The following PLEKHG4B variants were observed in gnomAD, a reference collection of about 807,000 sequenced individuals.
PLEKHG4B encodes pleckstrin homology domain-containing family G member 4B.
A neutral mutation model predicts 121.3 loss-of-function variants in PLEKHG4B; 111 were observed. The observed-to-expected ratio is 0.92, with a 90% confidence interval of 0.78 to 1.07. The LOEUF is 1.07. Among genes scored for constraint, PLEKHG4B ranks in the 50% least tolerant of loss-of-function variants. The pLI is 0.00. For synonymous variants in PLEKHG4B, 738 were observed against 725.0 expected (o/e 1.02, Z -0.29); for missense variants, 1,831 against 1,757.8 (o/e 1.04, Z -0.74).
At chr5:119,893 G>C (rs1247515485) in intron 2 of PLEKHG4B, among the ~76,000 whole-genome samples, 1 of 152,194 alleles carries the variant, frequency 6.6e-6, no homozygotes, top group Admixed American at 6.5e-5. Context: ...AGGGAATTTT[G>C]CTGAGTAAGT....
chr5:156,034 AGGG>A lies in PLEKHG4B; in HGVS notation c.2209-36_2209-34del. ...CTTGGGAGGACCTGCCCCTTGGAGG[AGGG>A]AGTTAAAGGCTTATTCCTCCCCATC... On this transcript the variant is annotated intron_variant, in intron 9 of 19. Coordinates refer to ENST00000637938, the MANE Select transcript of PLEKHG4B (RefSeq NM_052909.5). This position sits in a 1 kb window ranked among gnomAD's most constrained non-coding sequence, Gnocchi z 4.4. 1 of 1,501,684 alleles carries A rather than the reference AGGG, an allele frequency of 6.7e-7. No individual in the cohort carries two copies. The highest frequency in any genetic ancestry group is 8.9e-7 in the Non-Finnish European group (1 of 1,117,336). 93.0% of individuals were successfully genotyped at this position (1,501,684 alleles called of 1,614,324 possible).
At chr5:105,277 C>A (rs1733945251) in intron 1 of PLEKHG4B, among the ~76,000 whole-genome samples, 2 of 152,240 alleles carry the variant, frequency 1.3e-5, no homozygotes, top group Non-Finnish European at 2.9e-5. Flanking sequence ...GCTGGGGGCC[C>A]TGCTCAGAAG....
At chr5:175,892 C>T in intron 18 of PLEKHG4B, among the ~76,000 whole-genome samples, 1 of 50,866 alleles carries the variant, frequency 2.0e-5, no homozygotes, top group South Asian at 7.7e-4. Context: ...CACGGCTGCA[C>T]CCCGCCTGAG....
chr5:119,941 T>A (rs1450000655), intron 2 of PLEKHG4B, among the ~76,000 whole-genome samples: 2 of 152,108 alleles, frequency 1.3e-5, no homozygotes, highest in African/African-American at 2.4e-5. Flanking sequence ...AAAAGAAATC[T>A]CAGAATCTCA....
At chr5:92,750 C>T (rs1733509079) in intron 1 of PLEKHG4B, among the ~76,000 whole-genome samples, 2 of 152,034 alleles carry the variant, frequency 1.3e-5, no homozygotes, top group South Asian at 2.1e-4. Context: ...AGTCTGAAAT[C>T]TCATCGCCAA....
At position 186,565 on chromosome 5, in the gene PLEKHG4B, C is replaced by T. The variant is rs1178216917; in HGVS notation, c.*4242C>T. ...CCACAGGGGACGTGGGAGACAGCCC[C>T]GATGCGTCCCCATCCGCAGTGACGC... On this transcript the variant is annotated 3_prime_UTR_variant, in exon 20 of 20. Coordinates refer to ENST00000637938, the MANE Select transcript of PLEKHG4B (RefSeq NM_052909.5). The T allele has an allele frequency of 1.3e-5, 2 of 152,240 alleles. No individual in the cohort carries two copies. The highest frequency in any genetic ancestry group is 2.9e-5 in the Non-Finnish European group (2 of 68,062). The allele number at this position is 152,240 out of a possible 1,614,324, so 9.4% of individuals were successfully genotyped here.
intron 6 of PLEKHG4B, among the ~76,000 whole-genome samples, chr5:145,559 G>A (rs974831814): frequency 6.6e-6 from 1 of 152,144 alleles, no homozygotes. Context: ...ATGGGGTTTC[G>A]CCACATTGCC....
intron 13 of PLEKHG4B, among the ~76,000 whole-genome samples, chr5:165,061 A>AGCTCACACTAATGCTCTGACGGGGCGGG (rs1736258878): frequency 9.7e-5 from 7 of 71,802 alleles, no homozygotes; most frequent in African/African-American, 3.4e-4. Flanking sequence ...GACGGGGCGG[A>AGCTCACACTAATGCTCTGACGGGGCGGG]GCTCACACTA....
At chr5:103,445 G>A (rs563176020) in intron 1 of PLEKHG4B, among the ~76,000 whole-genome samples, 42 of 152,226 alleles carry the variant, frequency 2.8e-4, no homozygotes, top group Admixed American at 1.2e-3. Context: ...TGCACCGCAC[G>A]CAGCGGTTTC....
chr5:131,637 G>A (rs1451650005), intron 2 of PLEKHG4B, among the ~76,000 whole-genome samples: 1 of 152,166 alleles, frequency 6.6e-6, no homozygotes, highest in Non-Finnish European at 1.5e-5. Flanking sequence ...CCAGTAATGG[G>A]ATCACTGGGT....
At chr5:177,860 G>A (rs1034574134) in intron 18 of PLEKHG4B, among the ~76,000 whole-genome samples, 1 of 152,248 alleles carries the variant, frequency 6.6e-6, no homozygotes, top group Non-Finnish European at 1.5e-5. Flanking sequence ...GAAGTTGTAC[G>A]CATCCCCATC....
At chr5:134,765 C>CAAAA (rs147226236) in intron 2 of PLEKHG4B, among the ~76,000 whole-genome samples, 2 of 84,630 alleles carry the variant, frequency 2.4e-5, no homozygotes, top group Non-Finnish European at 5.4e-5. Flanking sequence ...GACTCTGTCT[C>CAAAA]AAAAAAAAAA....
chr5:132,441 G>C (rs758851700), intron 2 of PLEKHG4B, among the ~76,000 whole-genome samples: 12 of 152,062 alleles, frequency 7.9e-5, no homozygotes, highest in Non-Finnish European at 1.6e-4. Context: ...TTTGCTTTTG[G>C]GTTCTTGGTC....
chr5:110,703 A>G (rs925625247), intron 1 of PLEKHG4B, among the ~76,000 whole-genome samples: 3 of 150,868 alleles, frequency 2.0e-5, no homozygotes, highest in Admixed American at 6.6e-5. Context: ...ACGTGCACAC[A>G]TACAAAATGC....
intron 1 of PLEKHG4B, among the ~76,000 whole-genome samples, chr5:105,985 A>G (rs1362801201): frequency 6.6e-6 from 1 of 152,218 alleles, no homozygotes; most frequent in Non-Finnish European, 1.5e-5. Context: ...CAATGGTAGA[A>G]AAGTTAGATT....
intron 1 of PLEKHG4B, among the ~76,000 whole-genome samples, chr5:100,316 A>G (rs963892029): frequency 7.9e-5 from 12 of 152,202 alleles, no homozygotes; most frequent in Non-Finnish European, 1.5e-4. Context: ...AATGCATAAG[A>G]CTTCAAAATG....
At position 119,045 on chromosome 5, in the gene PLEKHG4B, A is replaced by C. The variant is rs188644899; in HGVS notation, c.243+5597A>C. 1.4e-4 allele frequency among the ~76,000 whole-genome samples: 22 copies of C among 152,084 alleles called. No individual in the cohort carries two copies. In the East Asian group the frequency reaches 3.3e-3, roughly 23 times the overall value. Reference sequence around the variant, plus strand: ...ATTTTATTTTTAAAATTTTTTGTAGAGATGGGCTTTCAGTATGTTTCCCAG... The same window carrying C: ...ATTTTATTTTTAAAATTTTTTGTAGCGATGGGCTTTCAGTATGTTTCCCAG... On this transcript the variant is annotated intron_variant, in intron 2 of 19. Coordinates refer to ENST00000637938, the MANE Select transcript of PLEKHG4B (RefSeq NM_052909.5).
Position 182,549 on chromosome 5 carries a change from C to T in PLEKHG4B, c.*226C>T. On this transcript the variant is annotated 3_prime_UTR_variant, in exon 20 of 20. Coordinates refer to ENST00000637938, the MANE Select transcript of PLEKHG4B (RefSeq NM_052909.5). ...ATTTAAAAAACAAACCTTCCACTTCCACCCAAGACAACAGCATAGGAAACA... is the reference window on the plus strand; with the variant it reads ...ATTTAAAAAACAAACCTTCCACTTCTACCCAAGACAACAGCATAGGAAACA... 1 of 555,474 alleles carries T rather than the reference C, an allele frequency of 1.8e-6. No homozygotes were observed. The highest frequency in any genetic ancestry group is 3.1e-5 in the Admixed American group (1 of 32,580). The allele number at this position is 555,474 out of a possible 1,614,324, so 34.4% of individuals were successfully genotyped here. A position where few individuals can be genotyped will look rare whatever the true frequency, so the allele number is the denominator to read the frequency against.
intron 13 of PLEKHG4B, among the ~76,000 whole-genome samples, chr5:166,797 C>A: frequency 6.6e-6 from 1 of 152,226 alleles, no homozygotes; most frequent in Middle Eastern, 3.2e-3. Context: ...GAACACTCTT[C>A]TGAAACACAC....
Sources: allele counts gnomAD v4.1 joint callset (sites outside exome capture counted in the v4.1 genomes callset), GRCh38; gene constraint gnomAD v4.1.1; non-coding constraint Gnocchi (gnomAD v3.1); transcripts MANE v1.5; gene names NCBI Gene and HGNC (gene_info 2026-07-23, HGNC 2026-07-21).